The following DDR2 variants were observed in gnomAD, a reference collection of about 807,000 sequenced individuals.
DDR2 encodes discoidin domain-containing receptor 2.
A neutral mutation model predicts 94.9 loss-of-function variants in DDR2; 27 were observed. The observed-to-expected ratio is 0.28, with a 90% CI of 0.21 to 0.39. The LOEUF is 0.39. Among genes scored for constraint, DDR2 ranks in the 10% least tolerant of loss-of-function variants. The pLI is 1.00. For missense variants in DDR2, 783 were observed against 1,076.0 expected, an observed-to-expected ratio of 0.73 and a Z score of 3.81; for synonymous variants, 382 against 377.2, an observed-to-expected ratio of 1.01 and a Z score of -0.15.
chr1:162,637,497 T>TA (rs1656884637), intron 1 of DDR2, among the ~76,000 whole-genome samples: 1 of 152,146 alleles, frequency 6.6e-6, no homozygotes, highest in African/African-American at 2.4e-5. Flanking sequence ...AATTTCTCTA[T>TA]TATTACAACC....
At chr1:162,759,653 C>A in intron 7 of DDR2, 143 bp from the exon 8 acceptor site, 3 of 925,796 alleles carry the variant, frequency 3.2e-6, no homozygotes, top group Non-Finnish European at 5.0e-6. Flanking sequence ...TAATGCAAAT[C>A]TGATTATTTA....
intron 2 of DDR2, among the ~76,000 whole-genome samples, chr1:162,672,433 G>C (rs1441736435): frequency 1.3e-5 from 2 of 149,928 alleles, no homozygotes; most frequent in Non-Finnish European, 3.0e-5. Flanking sequence ...ATAGTTTTTT[G>C]CAAAGTAGTG....
intron 2 of DDR2, among the ~76,000 whole-genome samples, chr1:162,710,713 A>C (rs1660867823): frequency 6.6e-6 from 1 of 151,894 alleles, no homozygotes; most frequent in South Asian, 2.1e-4. Flanking sequence ...TCTTCTCCCC[A>C]CCAAATCTTA....
chr1:162,709,582 G>A (rs1318008490), intron 2 of DDR2, among the ~76,000 whole-genome samples: 1 of 152,204 alleles, frequency 6.6e-6, no homozygotes. Flanking sequence ...TGTTTCCTTG[G>A]TTGCTTCCAA....
intron 3 of DDR2, among the ~76,000 whole-genome samples, chr1:162,748,976 T>A (rs553530171): frequency 1.3e-5 from 2 of 152,166 alleles, no homozygotes; most frequent in African/African-American, 2.4e-5. Context: ...AGACACAACA[T>A]ACCAGAATCT....
At chr1:162,658,376 T>A (rs1343712929) in intron 2 of DDR2, among the ~76,000 whole-genome samples, 1 of 152,162 alleles carries the variant, frequency 6.6e-6, no homozygotes, top group Non-Finnish European at 1.5e-5. Flanking sequence ...TGTGATCATG[T>A]TGCTGCATAA....
intron 1 of DDR2, among the ~76,000 whole-genome samples, chr1:162,642,302 C>T (rs996886115): frequency 1.3e-5 from 2 of 150,142 alleles, no homozygotes; most frequent in South Asian, 2.1e-4. Context: ...GGTGGAATTT[C>T]GCTCTTGTTT....
chr1:162,660,898 A>G (rs760242186), intron 2 of DDR2, among the ~76,000 whole-genome samples: 5 of 152,260 alleles, frequency 3.3e-5, no homozygotes. Context: ...AGGAGACTGC[A>G]TGACACACAA....
chr1:162,654,185 C>G (rs978897903), intron 1 of DDR2, among the ~76,000 whole-genome samples: 1 of 152,144 alleles, frequency 6.6e-6, no homozygotes, highest in Non-Finnish European at 1.5e-5. Context: ...CATCTATAAT[C>G]CCAGCACTTT....
At chr1:162,636,548 T>C (rs1656835235) in intron 1 of DDR2, among the ~76,000 whole-genome samples, 1 of 152,160 alleles carries the variant, frequency 6.6e-6, no homozygotes, top group South Asian at 2.1e-4. Flanking sequence ...AGAGGGCATG[T>C]GATAAATAGA....
At chr1:162,665,811 A>G (rs983311619) in intron 2 of DDR2, among the ~76,000 whole-genome samples, 1 of 152,192 alleles carries the variant, frequency 6.6e-6, no homozygotes, top group Non-Finnish European at 1.5e-5. Flanking sequence ...TAGACTATTT[A>G]TGATATTTCT....
At chr1:162,754,876 G>T in intron 5 of DDR2, 21 bp downstream of exon 5, 1 of 1,613,326 alleles carries the variant, frequency 6.2e-7, no homozygotes, top group Non-Finnish European at 8.5e-7. Flanking sequence ...GAGACATCCA[G>T]ATCCTGGATG....
rs1455797392 is a variant in DDR2, at chr1:162,785,184, A to G, written c.*4938A>G. ...AAGACCTGTTCATAGCTTGTTGTCTAGAAAACCAGGTAGCAGGATATTCTA... is the reference window on the plus strand; with the variant it reads ...AAGACCTGTTCATAGCTTGTTGTCTGGAAAACCAGGTAGCAGGATATTCTA... On this transcript the variant is annotated 3_prime_UTR_variant, in exon 18 of 18. Coordinates refer to ENST00000367921, the MANE Select transcript of DDR2 (RefSeq NM_006182.4). 6.6e-6 allele frequency: 1 copy of G among 152,160 alleles called. No individual in the cohort carries two copies. The highest frequency in any genetic ancestry group is 2.4e-5 in the African/African-American group (1 of 41,440). 9.4% of individuals were successfully genotyped at this position (152,160 alleles called of 1,614,324 possible).
chr1:162,666,913 A>G (rs1490874349), intron 2 of DDR2, among the ~76,000 whole-genome samples: 1 of 149,576 alleles, frequency 6.7e-6, no homozygotes, highest in Non-Finnish European at 1.5e-5. Flanking sequence ...ATAATTATTT[A>G]ATATATATGT....
chr1:162,717,712 CT>C (rs1302736548), intron 2 of DDR2, among the ~76,000 whole-genome samples: 1 of 152,072 alleles, frequency 6.6e-6, no homozygotes, highest in African/African-American at 2.4e-5. Flanking sequence ...TATAAGTAGA[CT>C]GAGGTAATAG....
At position 162,778,728 on chromosome 1, in the gene DDR2, A is replaced by C; in HGVS notation, c.2432A>C (p.Gln811Pro). 1 of 1,613,874 alleles carries C rather than the reference A, an allele frequency of 6.2e-7. No homozygotes were observed. Among genetic ancestry groups the C allele is most frequent in the Non-Finnish European group, 8.5e-7 (1 of 1,179,824 alleles). ...GAGTTCTTCCGAGACCAAGGGAGGC[A>C]GGTAAGAACTGTTGGGGATGAATGG... ...TGEFFRDQGR[Q>P]TYLPQPAICP... Residue 811 changes from glutamine to proline, a missense_variant and splice_region_variant, in exon 17 of 18, where the codon CAG becomes CCG. Around this residue, in one of 2 missense-constraint regions of DDR2, gnomAD observed 264 missense variants for 428.2 expected, o/e 0.62. Transcript: ENST00000367921.
intron 9 of DDR2, among the ~76,000 whole-genome samples, chr1:162,765,272 C>G (rs779154583): frequency 3.3e-5 from 5 of 152,032 alleles, no homozygotes; most frequent in African/African-American, 4.8e-5. Flanking sequence ...CAGCCGAACT[C>G]CGAAAGCACA....
At chr1:162,755,332 A>G (rs1282141125) in intron 6 of DDR2, 29 bp downstream of exon 6, 1 of 1,612,812 alleles carries the variant, frequency 6.2e-7, no homozygotes, top group Non-Finnish European at 8.5e-7. Flanking sequence ...AAGCCTATAG[A>G]CTTTATTAAA....
At chr1:162,755,825 AT>A in intron 7 of DDR2, 56 bp downstream of exon 7, 1 of 1,384,914 alleles carries the variant, frequency 7.2e-7, no homozygotes, top group Non-Finnish European at 1.0e-6. Context: ...AAAGAATAAT[AT>A]TTTATCATGT....
Sources: gnomAD v4.1 joint callset for allele counts (sites outside exome capture counted in the v4.1 genomes callset) on GRCh38, gnomAD v4.1.1 for gene constraint, gnomAD v4.1.1 regional missense constraint, MANE v1.5 for transcripts, NCBI Gene and HGNC (gene_info 2026-07-23, HGNC 2026-07-21) for gene names.